The following LYST variants were observed in gnomAD, a reference collection of about 807,000 sequenced individuals.
The protein encoded by LYST is lysosomal-trafficking regulator.
In LYST, 192 loss-of-function variants were observed where a neutral mutation model predicts 413.6. The observed-to-expected ratio is 0.46, with a 90% confidence interval of 0.41 to 0.52. The LOEUF is 0.52. LYST is among the 20% of genes least tolerant of loss of function. The pLI is 0.00. For missense variants in LYST, 3,815 were observed against 4,499.9 expected, an observed-to-expected ratio of 0.85 and a Z score of 4.35; for synonymous variants, 1,525 against 1,567.3, an observed-to-expected ratio of 0.97 and a Z score of 0.64.
chr1:235,682,138 C>T (rs534405637), intron 48 of LYST, among the ~76,000 whole-genome samples: 106 of 152,086 alleles, frequency 7.0e-4, no homozygotes, highest in African/African-American at 2.5e-3. Flanking sequence ...AGTGGGAGCC[C>T]GTCTCTAGAA....
At chr1:235,703,726 C>T (rs149557229) in intron 44 of LYST, among the ~76,000 whole-genome samples, 24 of 152,292 alleles carry the variant, frequency 1.6e-4, no homozygotes, top group African/African-American at 5.8e-4. Flanking sequence ...ATTCTCCTCA[C>T]CACAACTCCC....
chr1:235,770,241 G>A lies in LYST; in HGVS notation c.5841C>T (p.His1947=), dbSNP rs760752760. 1.9e-6 allele frequency: 3 copies of A among 1,613,728 alleles called. No homozygotes were observed. The South Asian group carries it at 3.3e-5, about 18-fold the overall frequency. ...GCTTAATATTAAACATCTGCTGGTGGTGATCTGCTCTGATGAGGACTTCTA... is the reference window on the plus strand; with the variant it reads ...GCTTAATATTAAACATCTGCTGGTGATGATCTGCTCTGATGAGGACTTCTA... ...AALEVLIRAD[H]HQQMFNIKQL... The change falls in exon 20 of 53, where the codon CAC becomes CAT. Residue 1947 remains histidine, a synonymous_variant. Coordinates refer to ENST00000389793, the MANE Select transcript of LYST (RefSeq NM_000081.4).
At chr1:235,864,832 G>C (rs185528676) in intron 1 of LYST, among the ~76,000 whole-genome samples, 2 of 152,270 alleles carry the variant, frequency 1.3e-5, no homozygotes, top group African/African-American at 4.8e-5. Context: ...CAGAGGCTGA[G>C]GTGAGAGGAT....
chr1:235,751,632 T>C (rs1318585135), intron 27 of LYST, among the ~76,000 whole-genome samples: 2 of 152,208 alleles, frequency 1.3e-5, no homozygotes, highest in African/African-American at 4.8e-5. Context: ...AGGCTTTTTT[T>C]CTATATAAGG....
At position 235,686,735 on chromosome 1, in the gene LYST, A is replaced by G. The variant is rs190775839; in HGVS notation, c.10800+214T>C. On this transcript the variant is annotated intron_variant, in intron 48 of 52. Coordinates refer to ENST00000389793, the MANE Select transcript of LYST (RefSeq NM_000081.4). The surrounding 1 kb of genome is among the most constrained non-coding windows in gnomAD (Gnocchi z 4.0). ...ATACAAAACAGATCTAACTCAAAATACCGTCTCTGAAAAAAAATGGGACTA... is the reference window on the plus strand; with the variant it reads ...ATACAAAACAGATCTAACTCAAAATGCCGTCTCTGAAAAAAAATGGGACTA... 1.5e-4 allele frequency among the ~76,000 whole-genome samples: 23 copies of G among 152,152 alleles called. No homozygotes were observed. Among genetic ancestry groups the G allele is most frequent in the Non-Finnish European group, 3.4e-4 (23 of 68,024 alleles).
chr1:235,814,728 C>T (rs2102914513), intron 3 of LYST, among the ~76,000 whole-genome samples: 1 of 151,404 alleles, frequency 6.6e-6, no homozygotes, highest in South Asian at 2.1e-4. Flanking sequence ...AAAGACAGGA[C>T]ATTCAGACTA....
intron 44 of LYST, among the ~76,000 whole-genome samples, chr1:235,706,225 A>G (rs1661977039): frequency 6.6e-6 from 1 of 152,214 alleles, no homozygotes; most frequent in Admixed American, 6.5e-5. Context: ...GGCATACTGA[A>G]GGAATCTGAG....
chr1:235,717,890 AC>A (rs1334263538), intron 40 of LYST, among the ~76,000 whole-genome samples: 2 of 151,984 alleles, frequency 1.3e-5, no homozygotes, highest in Admixed American at 1.3e-4. Flanking sequence ...ATGGCTGCCT[AC>A]ATTTTTTTTT....
intron 28 of LYST, 39 bp downstream of exon 28, chr1:235,751,171 C>T (rs773433938): frequency 5.6e-6 from 9 of 1,594,140 alleles, no homozygotes; most frequent in Non-Finnish European, 7.7e-6. Context: ...TCAAGCTAGC[C>T]TCAATTTATG....
At chr1:235,849,031 A>C (rs4660115) in intron 1 of LYST, among the ~76,000 whole-genome samples, 122,575 of 152,036 alleles carry the variant, frequency 0.81, 49,706 homozygotes, top group African/African-American at 0.91. Context: ...CCAGCATCAC[A>C]CTAATATCAA....
intron 40 of LYST, among the ~76,000 whole-genome samples, chr1:235,717,424 C>T (rs902734060): frequency 6.6e-6 from 1 of 152,224 alleles, no homozygotes; most frequent in Admixed American, 6.5e-5. Flanking sequence ...CACCACATGA[C>T]ACCATTCCTT....
At position 235,829,804 on chromosome 1, in the gene LYST, A is replaced by G. The variant is rs560750298; in HGVS notation, c.192+422T>C. 1.7e-5 allele frequency: 3 copies of G among 172,640 alleles called. No homozygotes were observed. In the East Asian group the frequency reaches 5.0e-4, roughly 29 times the overall value. 10.7% of individuals were successfully genotyped at this position (172,640 alleles called of 1,614,324 possible). On this transcript the variant is annotated intron_variant, in intron 3 of 52. Coordinates refer to ENST00000389793, the MANE Select transcript of LYST (RefSeq NM_000081.4). ...AAGGACTCAGTAATTATTAGTTCAC[A>G]TAAGAGGTCTCTGCTTTCACTCCAG... is the stretch of plus-strand genomic sequence containing the variant.
intron 50 of LYST, among the ~76,000 whole-genome samples, chr1:235,667,675 TTTTTC>T: frequency 6.6e-6 from 1 of 152,208 alleles, no homozygotes; most frequent in South Asian, 2.1e-4. Flanking sequence ...TTCTTTTTTT[TTTTTC>T]TTTTGAGATG....
chr1:235,795,328 T>C (rs1671443742), intron 10 of LYST, among the ~76,000 whole-genome samples: 2 of 152,188 alleles, frequency 1.3e-5, no homozygotes, highest in African/African-American at 4.8e-5. Flanking sequence ...TTTAGCATCA[T>C]GGCTACTGAG....
intron 36 of LYST, 133 bp downstream of exon 36, chr1:235,730,714 G>T: frequency 1.4e-6 from 1 of 703,370 alleles, no homozygotes; most frequent in Non-Finnish European, 2.5e-6. Flanking sequence ...ATATAACCTT[G>T]TCCTCCCTTG....
chr1:235,712,126 A>G lies in LYST; in HGVS notation c.9856T>C (p.Ser3286Pro). The G allele has an allele frequency of 6.4e-7, 1 of 1,574,228 alleles. No individual in the cohort carries two copies. Among genetic ancestry groups the G allele is most frequent in the Non-Finnish European group, 8.7e-7 (1 of 1,155,326 alleles). The change falls in exon 43 of 53, where the codon TCT becomes CCT. Residue 3286 changes from serine to proline, a missense_variant. Around this residue, in one of 4 missense-constraint regions of LYST, gnomAD observed 866 missense variants for 1,156.0 expected, o/e 0.75. Transcript: ENST00000389793. ...ATAAGTTCTTTCACATCAGTCATAG[A>G]TTCAAAAGATGAGAGTCGCCAAGTT... ...NTTWRLSSFESMTDVKELIPE... is the reference protein window; with the variant it reads ...NTTWRLSSFEPMTDVKELIPE...
In LYST at chr1:235,829,985, A is replaced by G. The variant is rs1572392984; in HGVS notation, c.192+241T>C. The G allele has an allele frequency of 7.1e-6, 3 of 422,946 alleles. No individual in the cohort carries two copies. The East Asian group carries it at 1.3e-4, about 18-fold the overall frequency. The allele number at this position is 422,946 out of a possible 1,614,324, so 26.2% of individuals were successfully genotyped here. On this transcript the variant is annotated intron_variant, in intron 3 of 52. Transcript: ENST00000389793. Reference sequence around the variant, plus strand: ...TCTCACTGATATTACGATAAAAAGCATAGTATATATGAAACCATTTAGTTC... The same window carrying G: ...TCTCACTGATATTACGATAAAAAGCGTAGTATATATGAAACCATTTAGTTC...
intron 2 of LYST, among the ~76,000 whole-genome samples, chr1:235,832,084 A>G (rs1017126820): frequency 6.6e-5 from 10 of 152,200 alleles, no homozygotes; most frequent in African/African-American, 2.4e-4. Context: ...ACGTCATTCT[A>G]TAAATTTATA....
chr1:235,808,050 T>C (rs78477997), intron 5 of LYST, among the ~76,000 whole-genome samples: 5,119 of 152,310 alleles, frequency 0.034, 271 homozygotes, highest in African/African-American at 0.12. Context: ...TAATATTCTA[T>C]CAAGGAAATA....
Sources: gnomAD v4.1 joint callset for allele counts (sites outside exome capture counted in the v4.1 genomes callset) on GRCh38, gnomAD v4.1.1 for gene constraint, gnomAD v4.1.1 regional missense constraint, Gnocchi (gnomAD v3.1) non-coding constraint, MANE v1.5 for transcripts, NCBI Gene and HGNC (gene_info 2026-07-23, HGNC 2026-07-21) for gene names.